Variants in IMPG1 observed in about 807,000 individuals in gnomAD.
IMPG1 encodes the protein interphotoreceptor matrix proteoglycan of 150 kDa.
IMPG1 carries 85 observed loss-of-function variants against 92.0 expected under a neutral mutation model. The ratio of observed to expected loss-of-function variants is 0.92; its 90% confidence interval spans 0.78 to 1.11. The LOEUF (loss-of-function observed/expected upper bound fraction) is 1.11. Among genes scored for constraint, IMPG1 ranks in the 50% least tolerant of loss-of-function variants. The pLI, the probability that IMPG1 is intolerant of heterozygous loss-of-function variation, is 0.00. For synonymous variants in IMPG1, 367 were observed against 334.1 expected (o/e 1.10, Z -1.08); for missense variants, 1,022 against 956.0 (o/e 1.07, Z -0.91).
intron 4 of IMPG1, among the ~76,000 whole-genome samples, chr6:76,030,645 C>G (rs919926492): frequency 1.3e-5 from 2 of 152,168 alleles, no homozygotes; most frequent in East Asian, 3.9e-4. Flanking sequence ...AAAGGGCCAT[C>G]AGACTCCAAA....
chr6:76,020,004 T>C (rs147816174), intron 6 of IMPG1, among the ~76,000 whole-genome samples: 1 of 152,312 alleles, frequency 6.6e-6, no homozygotes, highest in East Asian at 1.9e-4. Flanking sequence ...TACTTTTCAC[T>C]GTTGAGGGAA....
chr6:76,003,100 CTA>C, intron 11 of IMPG1, 104 bp from the exon 12 acceptor site: 1 of 785,170 alleles, frequency 1.3e-6, no homozygotes, highest in Non-Finnish European at 2.2e-6. Flanking sequence ...TTTAGGCAAA[CTA>C]TTTTGTTGTT....
chr6:75,987,323 A>G (rs1422772503), intron 12 of IMPG1, among the ~76,000 whole-genome samples: 1 of 145,120 alleles, frequency 6.9e-6, no homozygotes, highest in Non-Finnish European at 1.5e-5. Context: ...TTTTAATTAT[A>G]CTTTAAGTTC....
chr6:76,042,765 G>T (rs1783868108), intron 1 of IMPG1, among the ~76,000 whole-genome samples: 1 of 152,144 alleles, frequency 6.6e-6, no homozygotes, highest in Non-Finnish European at 1.5e-5. Flanking sequence ...CAAGGGGGAG[G>T]CTGGCAGAGA....
At chr6:76,025,967 C>T (rs1783521451) in intron 4 of IMPG1, among the ~76,000 whole-genome samples, 1 of 152,028 alleles carries the variant, frequency 6.6e-6, no homozygotes, top group Non-Finnish European at 1.5e-5. Context: ...GAGGAGGTCC[C>T]CCCAAAAACT....
intron 12 of IMPG1, among the ~76,000 whole-genome samples, chr6:76,002,186 G>C (rs1783003706): frequency 6.6e-6 from 1 of 152,132 alleles, no homozygotes; most frequent in African/African-American, 2.4e-5. Context: ...GGGCTCTATA[G>C]AGTGGAAAGA....
chr6:76,062,339 A>G (rs1784220942), intron 1 of IMPG1, among the ~76,000 whole-genome samples: 1 of 152,218 alleles, frequency 6.6e-6, no homozygotes, highest in African/African-American at 2.4e-5. Context: ...AAATCTTGAC[A>G]CATTTACTGA....
intron 14 of IMPG1, among the ~76,000 whole-genome samples, chr6:75,937,046 A>G (rs1165296795): frequency 6.6e-6 from 1 of 152,146 alleles, no homozygotes; most frequent in Admixed American, 6.6e-5. Flanking sequence ...GAAAATCTGC[A>G]GTGCTGCGTG....
chr6:75,975,838 C>T (rs1393662376), intron 12 of IMPG1, among the ~76,000 whole-genome samples: 1 of 152,112 alleles, frequency 6.6e-6, no homozygotes, highest in Non-Finnish European at 1.5e-5. Flanking sequence ...CTGAAGTAGC[C>T]ATAGGCTATA....
At chr6:75,923,611 C>T in intron 16 of IMPG1, 23 bp downstream of exon 16, 1 of 1,231,112 alleles carries the variant, frequency 8.1e-7, no homozygotes, top group South Asian at 1.2e-5. Flanking sequence ...TAATTGCAAC[C>T]AACTTAGAAA....
intron 15 of IMPG1, among the ~76,000 whole-genome samples, chr6:75,924,713 A>AATTATATGATATATCATATAATTATATT (rs1409806786): frequency 1.1e-4 from 1 of 9,448 alleles, no homozygotes; most frequent in Non-Finnish European, 1.9e-4. Context: ...TATAATATAT[A>AATTATATGATATATCATATAATTATATT]ATATATAATA....
rs774566521 is a variant in IMPG1, at chr6:75,930,984, C to T, written c.2212G>A (p.Glu738Lys). ...GLCGPGTKECEVLQGKGAPCR... is the reference protein window; with the variant it reads ...GLCGPGTKECKVLQGKGAPCR... ...GGAGCTCCCTTTCCCTGGAGGACCTCGCATTCCTTTGTGCCAGGGCCACAG... is the reference window on the plus strand; with the variant it reads ...GGAGCTCCCTTTCCCTGGAGGACCTTGCATTCCTTTGTGCCAGGGCCACAG... The change falls in exon 15 of 17, where the codon GAG becomes AAG. Residue 738 changes from glutamate to lysine, a missense_variant. Physicochemically the swap from Glu to Lys is moderately conservative, Grantham distance 56. Coordinates refer to ENST00000369950, the MANE Select transcript of IMPG1 (RefSeq NM_001563.4). 9 of 1,614,078 alleles carry T rather than the reference C, an allele frequency of 5.6e-6. No individual in the cohort carries two copies. The Admixed American group carries it at 6.7e-5, about 12-fold the overall frequency.
At chr6:75,954,080 C>T (rs1782078663) in intron 12 of IMPG1, among the ~76,000 whole-genome samples, 1 of 152,142 alleles carries the variant, frequency 6.6e-6, no homozygotes, top group Non-Finnish European at 1.5e-5. Flanking sequence ...TATACCTGTG[C>T]ACATGTCTTT....
chr6:75,953,710 C>A (rs1782072407), intron 12 of IMPG1, among the ~76,000 whole-genome samples: 2 of 151,824 alleles, frequency 1.3e-5, no homozygotes, highest in African/African-American at 2.4e-5. Flanking sequence ...TTTGCTGCAC[C>A]CATCAACCAG....
chr6:75,959,046 T>G (rs927527267), intron 12 of IMPG1, among the ~76,000 whole-genome samples: 2 of 152,158 alleles, frequency 1.3e-5, no homozygotes, highest in Non-Finnish European at 2.9e-5. Context: ...GTTGGTGACA[T>G]TCAGATGGGG....
intron 1 of IMPG1, among the ~76,000 whole-genome samples, chr6:76,055,868 A>C (rs1784112698): frequency 2.6e-5 from 4 of 152,108 alleles, no homozygotes; most frequent in Non-Finnish European, 5.9e-5. Flanking sequence ...TAACTCAAAA[A>C]GAGGTAGGAT....
intron 15 of IMPG1, chr6:75,928,471 T>G (rs1781600244): frequency 6.6e-6 from 1 of 152,360 alleles, no homozygotes; most frequent in South Asian, 2.1e-4. Flanking sequence ...AGTGCTGGGA[T>G]TACGACTCCC....
chr6:76,024,929 A>C (rs966717053), intron 5 of IMPG1: 5 of 523,088 alleles, frequency 9.6e-6, no homozygotes, highest in African/African-American at 9.5e-5. Flanking sequence ...AGAAGAAAGA[A>C]GGCAGAAAAT....
In IMPG1 at chr6:75,950,676, G is replaced by A. The variant is rs1375285805; in HGVS notation, c.1710C>T (p.Gly570=). ...GACTGAAGAACACTACCAGCTCTCG[G>A]CCCTTGGGGGCAATGGTCATAGAAC... is the stretch of plus-strand genomic sequence containing the variant. ...TTSSMTIAPK[G]RELVVFFSLR... The change falls in exon 13 of 17, where the codon GGC becomes GGT. Residue 570 remains glycine, a synonymous_variant. Transcript: ENST00000369950. 1 of 1,613,894 alleles carries A rather than the reference G, an allele frequency of 6.2e-7. No individual in the cohort carries two copies. The highest frequency in any genetic ancestry group is 1.1e-5 in the South Asian group (1 of 91,072).
Sources: allele counts gnomAD v4.1 joint callset (sites outside exome capture counted in the v4.1 genomes callset), GRCh38; gene constraint gnomAD v4.1.1; transcripts MANE v1.5; gene names NCBI Gene and HGNC (gene_info 2026-07-23, HGNC 2026-07-21).